The following JAG1 variants were observed in gnomAD, a reference collection of about 807,000 sequenced individuals.
The protein encoded by JAG1 is protein jagged-1.
In JAG1, 23 loss-of-function variants were observed where a neutral mutation model predicts 148.7. That is an observed-to-expected ratio of 0.15 (90% CI 0.11 to 0.22). The LOEUF is 0.22. Ranked by LOEUF, JAG1 falls within the 10% of genes least tolerant of loss-of-function variation. The pLI is 1.00. For synonymous variants in JAG1, 572 were observed against 598.3 expected (o/e 0.96, Z 0.64); for missense variants, 1,054 against 1,611.2 (o/e 0.65, Z 5.92).
At chr20:10,666,199 T>C (rs1405217812) in intron 2 of JAG1, among the ~76,000 whole-genome samples, 2 of 152,144 alleles carry the variant, frequency 1.3e-5, no homozygotes, top group East Asian at 1.9e-4. Flanking sequence ...CCAAGGTTCC[T>C]ATTAGGAGGC....
chr20:10,652,948 ACT>A (rs2067356585), intron 5 of JAG1, among the ~76,000 whole-genome samples: 1 of 150,346 alleles, frequency 6.7e-6, no homozygotes, highest in African/African-American at 2.5e-5. Context: ...AGAGGAAAGG[ACT>A]CTCTCGGTGA....
rs978024646 is a variant in JAG1, at chr20:10,673,889, G to C, written c.-359C>G. On this transcript the variant is annotated 5_prime_UTR_variant, in exon 1 of 26. Coordinates refer to ENST00000254958, the MANE Select transcript of JAG1 (RefSeq NM_000214.3). This position sits in a 1 kb window ranked among gnomAD's most constrained non-coding sequence, Gnocchi z 4.7. ...TTTTAGATCAGCTGCATGGAAAAAG[G>C]GGGGAGGGAGGGGAGAAAAAAAAAA... 6.5e-6 allele frequency: 1 copy of C among 155,032 alleles called. No individual in the cohort carries two copies. The highest frequency in any genetic ancestry group is 2.4e-5 in the African/African-American group (1 of 41,324). 9.6% of individuals were successfully genotyped at this position (155,032 alleles called of 1,614,324 possible).
Position 10,646,994 on chromosome 20 carries a change from T to C in JAG1, c.1830A>G (p.Gly610=). 1 of 1,614,180 alleles carries C rather than the reference T, an allele frequency of 6.2e-7. No homozygotes were observed. Among genetic ancestry groups the C allele is most frequent in the Middle Eastern group, 1.6e-4 (1 of 6,062 alleles). Residue 610 remains glycine (G), a synonymous_variant, in exon 14 of 26, where the codon GGA becomes GGG. Coordinates refer to ENST00000254958, the MANE Select transcript of JAG1 (RefSeq NM_000214.3). ...GPHGKCKSQS[G]GKFTCDCNKG... is the part of the protein sequence containing the mutation. The stretch of plus-strand genomic sequence containing the variant: ...TGTTACAGTCACAGGTGAATTTGCC[T>C]CCCGACTGACTCTTGCACTTCCCGT...
chr20:10,641,585 T>C lies in JAG1; in HGVS notation c.2791A>G (p.Thr931Ala). Residue 931 changes from threonine (T) to alanine (A), a missense_variant, in exon 23 of 26, where the codon ACT (threonine) becomes GCT (alanine). Transcript: ENST00000254958. ...LDDQCFVHPC[T>A]GVGECRSSSL... is the part of the protein sequence containing the mutation. ...GAAGACCGACACTCGCCCACACCAG[T>C]GCAGGGGTGGACGAAGCACTGGTCG... 1 of 1,614,096 alleles carries C rather than the reference T, an allele frequency of 6.2e-7. No individual in the cohort carries two copies. Among genetic ancestry groups the C allele is most frequent in the South Asian group, 1.1e-5 (1 of 91,084 alleles).
chr20:10,651,617 A>G lies in JAG1; in HGVS notation c.1084T>C (p.Cys362Arg). Residue 362 changes from cysteine to arginine, a missense_variant, in exon 8 of 26, where the codon TGT becomes CGT. Around this residue, in one of 6 missense-constraint regions of JAG1, gnomAD observed 245 missense variants for 373.1 expected, o/e 0.66. Coordinates refer to ENST00000254958, the MANE Select transcript of JAG1 (RefSeq NM_000214.3). ...GTGGGGCCGGTCCAGCCTGGGGAAC[A>G]CTCACACTCAAAGCCCAGGGAGGTC... Reference protein sequence around the residue: ...KETSLGFECECSPGWTGPTCS... With the variant: ...KETSLGFECERSPGWTGPTCS... 6.2e-7 allele frequency: 1 copy of G among 1,613,840 alleles called. No individual in the cohort carries two copies. The highest frequency in any genetic ancestry group is 8.5e-7 in the Non-Finnish European group (1 of 1,179,828).
intron 2 of JAG1, among the ~76,000 whole-genome samples, chr20:10,665,344 G>C (rs1226483955): frequency 2.0e-5 from 3 of 152,184 alleles, no homozygotes; most frequent in Admixed American, 2.0e-4. Flanking sequence ...ACTCAAAGCA[G>C]AGTAGGATTC....
In JAG1 at chr20:10,672,923, G is replaced by A. The variant is rs746259131; in HGVS notation, c.165C>T (p.Cys55=). Residue 55 remains cysteine (C), a synonymous_variant, in exon 2 of 26, where the codon TGC becomes TGT. Transcript: ENST00000254958. ...GGTCTCCCGGGTTCCGGGCGCCGCC[G>A]CAGCAGTTCCCGTTCTGCAGCTCCC... is the stretch of plus-strand genomic sequence containing the variant. ...VNGELQNGNC[C]GGARNPGDRK... The A allele has an allele frequency of 1.2e-6, 2 of 1,613,176 alleles. No homozygotes were observed. Among genetic ancestry groups the A allele is most frequent in the Admixed American group, 1.7e-5 (1 of 60,032 alleles).
Position 10,673,352 on chromosome 20 carries a change from C to T in JAG1, c.81+98G>A. 2 of 937,720 alleles carry T rather than the reference C, an allele frequency of 2.1e-6. No individual in the cohort carries two copies. Among genetic ancestry groups the T allele is most frequent in the Non-Finnish European group, 3.1e-6 (2 of 642,350 alleles). The allele number at this position is 937,720 out of a possible 1,614,324, so 58.1% of individuals were successfully genotyped here. A position where few individuals can be genotyped will look rare whatever the true frequency, so the allele number is the denominator to read the frequency against. ...GCGCAGGGGCGAGGAGTCGGGCGCT[C>T]GAGGGCTGCCGAGCCTGCTCGCGGG... is the stretch of plus-strand genomic sequence containing the variant. On this transcript the variant is annotated intron_variant, in intron 1 of 25. Transcript: ENST00000254958. The surrounding 1 kb of genome is among the most constrained non-coding windows in gnomAD (Gnocchi z 4.7).
intron 23 of JAG1, 95 bp downstream of exon 23, chr20:10,641,365 C>G: frequency 6.6e-7 from 1 of 1,524,328 alleles, no homozygotes; most frequent in South Asian, 1.1e-5. Flanking sequence ...GGAATGTAAG[C>G]TAGGGAGAAG....
rs1383543004 is a variant in JAG1 at position 10,672,742 on chromosome 20, C to A, written c.346G>T (p.Asp116Tyr). 2 of 1,612,940 alleles carry A rather than the reference C, an allele frequency of 1.2e-6. No individual in the cohort carries two copies. The highest frequency in any genetic ancestry group is 2.7e-5 in the African/African-American group (2 of 74,946). Residue 116 changes from aspartate to tyrosine, a missense_variant, in exon 2 of 26, where the codon GAC (aspartate) becomes TAC (tyrosine). Transcript: ENST00000254958. The part of the protein sequence containing the change: ...TFNLKASRGN[D>Y]RNRIVLPFSF... Reference sequence around the variant, plus strand: ...AAAGGCAGCACGATGCGGTTGCGGTCGTTGCCGCGGCTGGCCTTGAGGTTG... The same window carrying A: ...AAAGGCAGCACGATGCGGTTGCGGTAGTTGCCGCGGCTGGCCTTGAGGTTG...
chr20:10,669,418 A>G (rs895895144), intron 2 of JAG1, among the ~76,000 whole-genome samples: 36 of 152,060 alleles, frequency 2.4e-4, no homozygotes, highest in African/African-American at 8.4e-4. Flanking sequence ...AGCAAAAGGC[A>G]TAAAAGTAAG....
chr20:10,647,569 C>A (rs2067317799), intron 13 of JAG1, among the ~76,000 whole-genome samples: 1 of 152,234 alleles, frequency 6.6e-6, no homozygotes, highest in African/African-American at 2.4e-5. Flanking sequence ...TTTCTAGTTA[C>A]ACTAGTCACA....
chr20:10,672,471 C>T (rs192034632), intron 2 of JAG1, among the ~76,000 whole-genome samples: 1 of 152,316 alleles, frequency 6.6e-6, no homozygotes, highest in East Asian at 1.9e-4. Context: ...CTGGGATCCC[C>T]ACTTTTGTGC....
At chr20:10,672,037 C>T (rs2067499184) in intron 2 of JAG1, among the ~76,000 whole-genome samples, 1 of 151,986 alleles carries the variant, frequency 6.6e-6, no homozygotes, top group Admixed American at 6.5e-5. Context: ...AGAGCTACAC[C>T]ACTCGGGGGC....
intron 18 of JAG1, 110 bp from the exon 19 acceptor site, chr20:10,644,494 T>G: frequency 1.2e-6 from 1 of 850,920 alleles, no homozygotes; most frequent in Non-Finnish European, 2.0e-6. Context: ...AAGTCGTAGT[T>G]AACACCAGCA....
chr20:10,640,722 T>C (rs1361392302), intron 25 of JAG1, 61 bp downstream of exon 25: 4 of 1,548,626 alleles, frequency 2.6e-6, no homozygotes, highest in African/African-American at 2.7e-5. Flanking sequence ...GATGGCTTTA[T>C]TGAATAGTAT....
At position 10,640,913 on chromosome 20, in the gene JAG1, A is replaced by T; in HGVS notation, c.3069T>A (p.Asp1023Glu). ...HVAISAEDIRDDGNPIKEITD... is the reference protein window; with the variant it reads ...HVAISAEDIREDGNPIKEITD... The stretch of plus-strand genomic sequence containing the variant: ...TGATTTCCTTGATCGGGTTCCCATC[A>T]TCCCGTATATCTTCAGCAGACTGGA... The change falls in exon 25 of 26, where the codon GAT (aspartate) becomes GAA (glutamate). Residue 1023 changes from aspartate (D) to glutamate (E), a missense_variant. Around this residue, in one of 6 missense-constraint regions of JAG1, gnomAD observed 342 missense variants for 514.6 expected, o/e 0.66. Transcript: ENST00000254958. 1 of 1,614,188 alleles carries T rather than the reference A, an allele frequency of 6.2e-7. No individual in the cohort carries two copies. The highest frequency in any genetic ancestry group is 8.5e-7 in the Non-Finnish European group (1 of 1,180,020).
intron 25 of JAG1, 93 bp downstream of exon 25, chr20:10,640,690 C>A (rs2067264579): frequency 7.3e-7 from 1 of 1,372,618 alleles, no homozygotes. Context: ...GGGTAGGGCA[C>A]TGCCAGATAA....
At chr20:10,663,549 G>A (rs182928694) in intron 3 of JAG1, among the ~76,000 whole-genome samples, 308 of 152,262 alleles carry the variant, frequency 2.0e-3, no homozygotes, top group African/African-American at 6.9e-3. Flanking sequence ...ATTCAAGGTC[G>A]GTCTCTAGAG....
Sources: allele counts gnomAD v4.1 joint callset (sites outside exome capture counted in the v4.1 genomes callset), GRCh38; gene constraint gnomAD v4.1.1; regional missense constraint gnomAD v4.1.1; non-coding constraint Gnocchi (gnomAD v3.1); transcripts MANE v1.5; gene names NCBI Gene and HGNC (gene_info 2026-07-23, HGNC 2026-07-21).